The following RAB33B variants were observed in gnomAD, a reference collection of about 807,000 sequenced individuals.
RAB33B encodes the protein ras-related protein Rab-33B.
RAB33B carries 6 observed loss-of-function variants against 15.0 expected under a neutral mutation model. That is an observed-to-expected ratio of 0.40 (90% CI 0.22 to 0.79). The LOEUF (loss-of-function observed/expected upper bound fraction) is 0.79. RAB33B is among the 30% of genes least tolerant of loss of function. The probability of loss-of-function intolerance (pLI) is 0.37; values close to 1 mark genes in which losing one functional copy is unlikely to be tolerated. For missense variants in RAB33B, 257 were observed against 296.4 expected (o/e 0.87, Z 0.98); for synonymous variants, 117 against 108.3 (o/e 1.08, Z -0.50).
chr4:139,469,114 G>A (rs533967100), intron 1 of RAB33B, among the ~76,000 whole-genome samples: 1 of 152,206 alleles, frequency 6.6e-6, no homozygotes, highest in African/African-American at 2.4e-5. Context: ...CTAGGTTTGG[G>A]AAGTTTTCTG....
chr4:139,465,542 A>G (rs977822334), intron 1 of RAB33B, among the ~76,000 whole-genome samples: 2 of 152,088 alleles, frequency 1.3e-5, no homozygotes, highest in Admixed American at 1.3e-4. Context: ...TTAAGTCTTT[A>G]ATCCATCTTG....
chr4:139,469,912 C>T (rs72726547), intron 1 of RAB33B, among the ~76,000 whole-genome samples: 19,901 of 152,180 alleles, frequency 0.13, 1,698 homozygotes, highest in Admixed American at 0.24. Context: ...GACACAAGCA[C>T]CCCTGTGACC....
chr4:139,471,976 A>G (rs1225956250), intron 1 of RAB33B, among the ~76,000 whole-genome samples: 1 of 151,836 alleles, frequency 6.6e-6, no homozygotes, highest in Non-Finnish European at 1.5e-5. Context: ...CTGCTGTTGA[A>G]TTTTCTTGGT....
At chr4:139,460,724 T>C (rs1392199652) in intron 1 of RAB33B, among the ~76,000 whole-genome samples, 1 of 152,198 alleles carries the variant, frequency 6.6e-6, no homozygotes, top group Non-Finnish European at 1.5e-5. Flanking sequence ...TGAAGAATCT[T>C]GTGATCCCTT....
chr4:139,446,471 G>A, the RAB33B span, among the ~76,000 whole-genome samples: 2 of 152,160 alleles, frequency 1.3e-5, no homozygotes, highest in African/African-American at 4.8e-5. Flanking sequence ...CTTATTCATG[G>A]GCTGTAGCTA....
chr4:139,454,416 C>A lies in RAB33B; in HGVS notation c.221C>A (p.Ala74Glu). 1 of 1,611,546 alleles carries A rather than the reference C, an allele frequency of 6.2e-7. No homozygotes were observed. Among genetic ancestry groups the A allele is most frequent in the African/African-American group, 1.3e-5 (1 of 75,010 alleles). The change falls in exon 1 of 2, where the codon GCG becomes GAG. Residue 74 changes from alanine (A) to glutamate (E), a missense_variant. Transcript: ENST00000305626. ...ATIGVDFRER[A>E]VEIDGERIKI... is the part of the protein sequence containing the mutation. The stretch of plus-strand genomic sequence containing the variant: ...ATAGGGGTGGATTTCCGAGAACGAG[C>A]GGTGGAGATTGATGGGGAGCGCATC...
chr4:139,443,016 G>A, the RAB33B span, among the ~76,000 whole-genome samples: 9 of 149,448 alleles, frequency 6.0e-5, no homozygotes, highest in Admixed American at 2.0e-4. Flanking sequence ...TTTTTGAGAC[G>A]GAGTCTTGCT....
At chr4:139,448,440 T>C (rs1220410123), upstream of RAB33B, 1 of 152,194 alleles carries the variant, frequency 6.6e-6, no homozygotes, top group Non-Finnish European at 1.5e-5. Flanking sequence ...TCATTTTATT[T>C]CCTTTTTTTT....
chr4:139,447,573 A>G, the RAB33B span, among the ~76,000 whole-genome samples: 1 of 151,116 alleles, frequency 6.6e-6, no homozygotes, highest in Non-Finnish European at 1.5e-5. Context: ...GGCTCCTCCT[A>G]CCTTTAAGTC....
the RAB33B span, among the ~76,000 whole-genome samples, chr4:139,439,019 TA>T: frequency 6.6e-6 from 1 of 152,142 alleles, no homozygotes; most frequent in South Asian, 2.1e-4. Context: ...GGGATTCTTT[TA>T]TTTTTTTTTT....
upstream of RAB33B, chr4:139,449,208 A>G (rs1418662644): frequency 6.6e-6 from 1 of 152,222 alleles, no homozygotes; most frequent in Non-Finnish European, 1.5e-5. Flanking sequence ...GCATTTAAGT[A>G]TTGTTAACTT....
At position 139,454,141 on chromosome 4, in the gene RAB33B, T is replaced by C. The variant is rs563342565; in HGVS notation, c.-55T>C. 3 of 1,553,854 alleles carry C rather than the reference T, an allele frequency of 1.9e-6. No individual in the cohort carries two copies. The highest frequency in any genetic ancestry group is 1.9e-5 in the Admixed American group (1 of 53,416). ...CGCGCGCTCTTGCGGTGGCGTAATC[T>C]CTCAGCCTTTCTGTGTCTCCTTTCC... On this transcript the variant is annotated 5_prime_UTR_variant, in exon 1 of 2. Coordinates refer to ENST00000305626, the MANE Select transcript of RAB33B (RefSeq NM_031296.3).
At position 139,467,857 on chromosome 4, in the gene RAB33B, C is replaced by G. The variant is rs547182959; in HGVS notation, c.250-4829C>G. Among the ~76,000 whole-genome samples the G allele has an allele frequency of 4.4e-4, 59 of 134,872 alleles. 1 individual carries two copies. The East Asian group carries it at 0.012, about 28-fold the overall frequency. 88.5% of individuals were successfully genotyped at this position (134,872 alleles called of 152,430 possible). ...TGGGCAATAGAGCAATGTCCTGTCT[C>G]AAAAAAAAAAAGCCAATTACATTAT... is the stretch of plus-strand genomic sequence containing the variant. On this transcript the variant is annotated intron_variant, in intron 1 of 1. Coordinates refer to ENST00000305626, the MANE Select transcript of RAB33B (RefSeq NM_031296.3).
intron 1 of RAB33B, among the ~76,000 whole-genome samples, chr4:139,456,299 G>A (rs1161587594): frequency 1.3e-5 from 2 of 152,122 alleles, no homozygotes; most frequent in South Asian, 2.1e-4. Context: ...AAACAAAAAC[G>A]GAAGTAGGAA....
In RAB33B at chr4:139,469,423, C is replaced by T. The variant is rs926954436; in HGVS notation, c.250-3263C>T. Among the ~76,000 whole-genome samples, 4 of 152,120 alleles carry T rather than the reference C, an allele frequency of 2.6e-5. No homozygotes were observed. In the East Asian group the frequency reaches 5.8e-4, roughly 22 times the overall value. On this transcript the variant is annotated intron_variant, in intron 1 of 1. Coordinates refer to ENST00000305626, the MANE Select transcript of RAB33B (RefSeq NM_031296.3). ...TCTGAATTCCTTCTCTGTGTTATCT[C>T]GAGTTTCTTTAAAACAGCTATTTTG...
chr4:139,448,598 C>T (rs1749865723), upstream of RAB33B: 1 of 152,098 alleles, frequency 6.6e-6, no homozygotes, highest in South Asian at 2.1e-4. Context: ...CCATGCCTGG[C>T]TAATTTCTGT....
At chr4:139,442,699 C>T in the RAB33B span, among the ~76,000 whole-genome samples, 1 of 152,172 alleles carries the variant, frequency 6.6e-6, no homozygotes, top group Non-Finnish European at 1.5e-5. Flanking sequence ...CTCGGACTGG[C>T]TTCCTTTCTT....
the RAB33B span, among the ~76,000 whole-genome samples, chr4:139,445,321 G>C: frequency 6.6e-6 from 1 of 152,238 alleles, no homozygotes; most frequent in Non-Finnish European, 1.5e-5. Context: ...TATTTGGAGA[G>C]AACTTGATCT....
chr4:139,438,449 C>T, the RAB33B span, among the ~76,000 whole-genome samples: 1 of 152,184 alleles, frequency 6.6e-6, no homozygotes, highest in South Asian at 2.1e-4. Flanking sequence ...TTCCCCCGCC[C>T]CTTCCATTCC....
Sources: gnomAD v4.1 joint callset for allele counts (sites outside exome capture counted in the v4.1 genomes callset) on GRCh38, gnomAD v4.1.1 for gene constraint, MANE v1.5 for transcripts, NCBI Gene and HGNC (gene_info 2026-07-23, HGNC 2026-07-21) for gene names.